Variants in PCDHGA1 observed in about 807,000 individuals in gnomAD.
PCDHGA1 encodes protocadherin gamma subfamily A, 1, also known as protocadherin gamma-A1.
Under a neutral mutation model 58.0 loss-of-function variants are expected in PCDHGA1, and 32 were observed. The observed-to-expected ratio is 0.55, with a 90% CI of 0.42 to 0.74. PCDHGA1 has a LOEUF of 0.74. Among genes scored for constraint, PCDHGA1 ranks in the 30% least tolerant of loss-of-function variants. The pLI is 0.00. For synonymous variants in PCDHGA1, 498 were observed against 501.1 expected, an observed-to-expected ratio of 0.99 and a Z score of 0.08; for missense variants, 1,205 against 1,182.3, an observed-to-expected ratio of 1.02 and a Z score of -0.28.
chr5:141,344,716 T>C (rs1757459523), intron 1 of PCDHGA1: 2 of 1,613,862 alleles, frequency 1.2e-6, no homozygotes, highest in African/African-American at 2.7e-5. Context: ...AACTTGCACA[T>C]CCAAGTGATA....
chr5:141,397,245 G>A (rs2093494919), intron 1 of PCDHGA1, among the ~76,000 whole-genome samples: 1 of 152,148 alleles, frequency 6.6e-6, no homozygotes, highest in African/African-American at 2.4e-5. Flanking sequence ...CAACGTAGTA[G>A]GGTATATCAT....
At chr5:141,443,665 AACT>A (rs2154560310) in intron 1 of PCDHGA1, among the ~76,000 whole-genome samples, 1 of 152,358 alleles carries the variant, frequency 6.6e-6, no homozygotes, top group African/African-American at 2.4e-5. Context: ...CATTTTACTG[AACT>A]AGTAGTTTAC....
chr5:141,447,658 A>C (rs114314834), intron 1 of PCDHGA1, among the ~76,000 whole-genome samples: 3,576 of 152,302 alleles, frequency 0.023, 90 homozygotes, highest in Non-Finnish European at 0.03. Context: ...TTTCCCCCCC[A>C]GGAAGTTAGA....
At chr5:141,403,314 T>C (rs1178188100) in intron 1 of PCDHGA1, 7 of 1,613,856 alleles carry the variant, frequency 4.3e-6, no homozygotes, top group Non-Finnish European at 5.1e-6. Flanking sequence ...GGAATAGAAA[T>C]AGAAGTAACT....
chr5:141,351,968 C>T, intron 1 of PCDHGA1: 4 of 1,612,640 alleles, frequency 2.5e-6, no homozygotes, highest in Non-Finnish European at 3.4e-6. Flanking sequence ...TGGCTCCGCC[C>T]TCTTCGATAT....
chr5:141,410,797 CTCTA>C (rs375585060), intron 1 of PCDHGA1: 18 of 676,000 alleles, frequency 2.7e-5, no homozygotes, highest in Middle Eastern at 9.7e-4. Context: ...TCATAAGTTG[CTCTA>C]TCTTTTTGTA....
chr5:141,458,385 C>T (rs1371423838), intron 1 of PCDHGA1, among the ~76,000 whole-genome samples: 15 of 152,104 alleles, frequency 9.9e-5, no homozygotes, highest in East Asian at 1.9e-4. Context: ...AGAAGGAAGA[C>T]GCTCCCCCTT....
chr5:141,491,208 C>G lies in PCDHGA1; in HGVS notation c.2422-3599C>G. 6.2e-7 allele frequency: 1 copy of G among 1,614,204 alleles called. No individual in the cohort carries two copies. Among genetic ancestry groups the G allele is most frequent in the Non-Finnish European group, 8.5e-7 (1 of 1,180,026 alleles). ...TGAGGGACAATGGTGACCCTTCACTCTCCTCCACAGCCACAGTGCTGCTGG... is the reference window on the plus strand; with the variant it reads ...TGAGGGACAATGGTGACCCTTCACTGTCCTCCACAGCCACAGTGCTGCTGG... On this transcript the variant is annotated intron_variant, in intron 1 of 3. Coordinates refer to ENST00000517417, the MANE Select transcript of PCDHGA1 (RefSeq NM_018912.3). This position sits in a 1 kb window ranked among gnomAD's most constrained non-coding sequence, Gnocchi z 6.9.
chr5:141,344,062 G>T, intron 1 of PCDHGA1: 3 of 1,572,912 alleles, frequency 1.9e-6, no homozygotes, highest in Non-Finnish European at 2.6e-6. Context: ...TTCCGAAATG[G>T]CAGAGGACTG....
At chr5:141,399,598 G>A in intron 1 of PCDHGA1, 1 of 1,613,964 alleles carries the variant, frequency 6.2e-7, no homozygotes, top group Non-Finnish European at 8.5e-7. Context: ...CATGGCCAGC[G>A]ACCTAGAGCC....
intron 1 of PCDHGA1, chr5:141,339,080 G>A (rs1561479041): frequency 6.2e-7 from 1 of 1,614,236 alleles, no homozygotes. Context: ...TTCTGTGCGG[G>A]AAGAGATCGA....
chr5:141,489,800 A>G lies in PCDHGA1; in HGVS notation c.2422-5007A>G. 6.2e-7 allele frequency: 1 copy of G among 1,614,166 alleles called. No homozygotes were observed. Among genetic ancestry groups the G allele is most frequent in the Non-Finnish European group, 8.5e-7 (1 of 1,179,994 alleles). On this transcript the variant is annotated intron_variant, in intron 1 of 3. Coordinates refer to ENST00000517417, the MANE Select transcript of PCDHGA1 (RefSeq NM_018912.3). This position sits in a 1 kb window ranked among gnomAD's most constrained non-coding sequence, Gnocchi z 4.5. ...TCTCTGAATGTGAAGACCCTAAAAG[A>G]TGGGAAGCCATTCCCAGAGCTGGTG...
intron 1 of PCDHGA1, chr5:141,345,191 C>G (rs375789971): frequency 1.1e-4 from 175 of 1,613,822 alleles, no homozygotes; most frequent in Non-Finnish European, 1.4e-4. Flanking sequence ...AAGTTTTTGT[C>G]CTGGGAAATC....
At chr5:141,360,926 T>G (rs1187113113) in intron 1 of PCDHGA1, 1 of 1,613,986 alleles carries the variant, frequency 6.2e-7, no homozygotes, top group Non-Finnish European at 8.5e-7. Flanking sequence ...GTGCTTCAAG[T>G]GACAGCCACC....
At chr5:141,394,256 C>G in intron 1 of PCDHGA1, 1 of 1,613,942 alleles carries the variant, frequency 6.2e-7, no homozygotes, top group Non-Finnish European at 8.5e-7. Flanking sequence ...ACCCCGACAG[C>G]CAGGAGAATG....
intron 1 of PCDHGA1, chr5:141,426,946 C>A (rs565370434): frequency 2.2e-6 from 1 of 456,786 alleles, no homozygotes; most frequent in South Asian, 1.5e-5. Flanking sequence ...CCAGTCCCAA[C>A]TGGCACTGCT....
intron 1 of PCDHGA1, chr5:141,400,255 C>T: frequency 6.2e-7 from 1 of 1,614,046 alleles, no homozygotes; most frequent in Non-Finnish European, 8.5e-7. Flanking sequence ...CGTTGCCTTG[C>T]GCCTGCGACG....
At chr5:141,403,978 C>T (rs965753943) in intron 1 of PCDHGA1, 2 of 1,613,714 alleles carry the variant, frequency 1.2e-6, no homozygotes, top group African/African-American at 2.7e-5. Context: ...ATGTAAATGA[C>T]AATAGACCTG....
chr5:141,374,318 C>G (rs773144400), intron 1 of PCDHGA1: 2 of 1,613,996 alleles, frequency 1.2e-6, no homozygotes, highest in South Asian at 2.2e-5. Flanking sequence ...CTCTCTGAAT[C>G]CGCGAAACGG....
Sources: allele counts gnomAD v4.1 joint callset (sites outside exome capture counted in the v4.1 genomes callset), GRCh38; gene constraint gnomAD v4.1.1; non-coding constraint Gnocchi (gnomAD v3.1); transcripts MANE v1.5; gene names NCBI Gene and HGNC (gene_info 2026-07-23, HGNC 2026-07-21).